UNC80: variants seen among roughly 807,000 people sequenced by gnomAD.
UNC80 encodes the protein unc-80 subunit of NALCN channel complex.
Under a neutral mutation model 384.6 loss-of-function variants are expected in UNC80, and 164 were observed. That is an observed-to-expected ratio of 0.43 (90% CI 0.38 to 0.49). UNC80 has a LOEUF of 0.49. Among genes scored for constraint, UNC80 ranks in the 20% least tolerant of loss-of-function variants. The pLI is 0.00. For missense variants in UNC80, 3,330 were observed against 4,143.0 expected, an observed-to-expected ratio of 0.80 and a Z score of 5.39; for synonymous variants, 1,486 against 1,527.8, an observed-to-expected ratio of 0.97 and a Z score of 0.64.
intron 33 of UNC80, 30 bp from the exon 34 acceptor site, chr2:209,921,470 T>G (rs1167312948): frequency 2.0e-6 from 3 of 1,527,030 alleles, no homozygotes; most frequent in Non-Finnish European, 1.8e-6. Context: ...AGAATTGCTA[T>G]TAAATGAACT....
chr2:209,839,850 G>A lies in UNC80; in HGVS notation c.3250+420G>A, dbSNP rs2081608574. Among the ~76,000 whole-genome samples the A allele has an allele frequency of 6.6e-6, 1 of 152,208 alleles. No individual in the cohort carries two copies. The highest frequency in any genetic ancestry group is 6.5e-5 in the Admixed American group (1 of 15,282). ...GGGGGAGGAGGCAGAAATCAGGGAA[G>A]GCTTCCTAGTGGTAGTGGCATTAAG... On this transcript the variant is annotated intron_variant, in intron 19 of 64. Transcript: ENST00000673920. The surrounding 1 kb of genome is among the most constrained non-coding windows in gnomAD (Gnocchi z 4.1).
rs1181556483 is a variant in UNC80, at chr2:209,816,777, T to C, written c.1336-132T>C. ...TTTCTCCCATTTTTATTGGATGATA[T>C]TCAGTGACTTTCTGGGTCTTCTCTT... On this transcript the variant is annotated intron_variant, in intron 9 of 64. Transcript: ENST00000673920. 7.9e-6 allele frequency: 6 copies of C among 756,976 alleles called. No individual in the cohort carries two copies. The East Asian group carries it at 1.4e-4, about 17-fold the overall frequency. 46.9% of individuals were successfully genotyped at this position (756,976 alleles called of 1,614,324 possible).
intron 52 of UNC80, chr2:209,968,618 A>G (rs913961997): frequency 6.6e-6 from 1 of 152,158 alleles, no homozygotes; most frequent in African/African-American, 2.4e-5. Flanking sequence ...TTTCAATGGC[A>G]TGGAAATGCT....
chr2:209,907,564 C>T (rs1212657374), intron 29 of UNC80, among the ~76,000 whole-genome samples: 3 of 151,970 alleles, frequency 2.0e-5, no homozygotes, highest in African/African-American at 4.8e-5. Context: ...TGCCAACCAG[C>T]GAGAAGAGGT....
chr2:209,927,031 T>C (rs1157946052), intron 36 of UNC80, 45 bp downstream of exon 36: 2 of 1,545,120 alleles, frequency 1.3e-6, no homozygotes, highest in East Asian at 4.9e-5. Flanking sequence ...TCTTAAGCTG[T>C]TTATCTGATA....
chr2:209,887,944 G>C (rs929682737), intron 25 of UNC80, 151 bp from the exon 26 acceptor site: 8 of 637,914 alleles, frequency 1.3e-5, no homozygotes, highest in Non-Finnish European at 1.8e-5. Flanking sequence ...GAATAGATTT[G>C]CATGGTCACA....
chr2:209,790,335 T>G (rs2077717442), intron 6 of UNC80, among the ~76,000 whole-genome samples: 1 of 152,200 alleles, frequency 6.6e-6, no homozygotes, highest in South Asian at 2.1e-4. Context: ...TTCCAACTGT[T>G]ATTACTCAGG....
chr2:209,813,603 G>A lies in UNC80; in HGVS notation c.962G>A (p.Cys321Tyr), dbSNP rs2079520816. 1 of 1,551,566 alleles carries A rather than the reference G, an allele frequency of 6.4e-7. No individual in the cohort carries two copies. The highest frequency in any genetic ancestry group is 1.2e-5 in the South Asian group (1 of 84,052). The part of the protein sequence containing the change: ...HSRASLVIPP[C>Y]QRSRYATYFD... ...AGGGCCTCTCTTGTGATACCTCCGT[G>A]CCAAAGGTCCCGCTATGCCACCTAC... The change falls in exon 8 of 65, where the codon TGC becomes TAC. Residue 321 changes from cysteine (C) to tyrosine (Y), a missense_variant. Cys to Tyr is a radical substitution (Grantham distance 194, BLOSUM62 -2). Coordinates refer to ENST00000673920, the MANE Select transcript of UNC80 (RefSeq NM_001371986.1).
intron 43 of UNC80, 101 bp from the exon 44 acceptor site, chr2:209,941,120 G>A (rs1231775233): frequency 1.5e-6 from 2 of 1,372,424 alleles, no homozygotes; most frequent in Non-Finnish European, 1.9e-6. Flanking sequence ...TCCTGGAGCT[G>A]GAACAAACGG....
At position 209,791,582 on chromosome 2, in the gene UNC80, A is replaced by T. The variant is rs566510861; in HGVS notation, c.798+1977A>T. On this transcript the variant is annotated intron_variant, in intron 6 of 64. Coordinates refer to ENST00000673920, the MANE Select transcript of UNC80 (RefSeq NM_001371986.1). The stretch of plus-strand genomic sequence containing the variant: ...TAAGGACCAATTAAGATCTCAATTC[A>T]GGCTGAGGCGGGCAGATCACAAGGT... Among the ~76,000 whole-genome samples the T allele has an allele frequency of 2.6e-5, 4 of 152,200 alleles. No individual in the cohort carries two copies. In the South Asian group the frequency reaches 8.3e-4, roughly 32 times the overall value.
chr2:209,913,714 G>C (rs2089215735), intron 30 of UNC80, 88 bp from the exon 31 acceptor site: 2 of 1,359,132 alleles, frequency 1.5e-6, no homozygotes, highest in Middle Eastern at 1.9e-4. Context: ...GGCAAGCAGA[G>C]AGAGGGGACG....
intron 29 of UNC80, among the ~76,000 whole-genome samples, chr2:209,907,291 CAA>C (rs35210647): frequency 2.3e-4 from 16 of 68,622 alleles, no homozygotes; most frequent in Admixed American, 3.3e-4. Context: ...CAATAATGGG[CAA>C]AAAAAAAAAA....
chr2:209,775,813 C>A, intron 2 of UNC80, 76 bp from the exon 3 acceptor site: 1 of 1,482,088 alleles, frequency 6.7e-7, no homozygotes, highest in South Asian at 1.2e-5. Context: ...TTTTCACTAA[C>A]CAGAATCTTC....
intron 61 of UNC80, among the ~76,000 whole-genome samples, chr2:209,988,671 G>T (rs2093337140): frequency 6.6e-6 from 1 of 152,134 alleles, no homozygotes; most frequent in African/African-American, 2.4e-5. Flanking sequence ...GGAGAGAAGA[G>T]GTCATCTATG....
At chr2:209,951,291 TTTTTTTTCTCTCTCTCTCTC>T (rs2092169196) in intron 47 of UNC80, among the ~76,000 whole-genome samples, 1 of 132,808 alleles carries the variant, frequency 7.5e-6, no homozygotes, top group Non-Finnish European at 1.6e-5. Flanking sequence ...AACGTGTCCT[TTTTTTTTCTCTCTCTCTCTC>T]TTTTGAGATG....
At chr2:209,967,908 T>A (rs1173583002) in intron 52 of UNC80, 2 of 303,182 alleles carry the variant, frequency 6.6e-6, no homozygotes, top group Admixed American at 9.6e-5. Flanking sequence ...CATATAAAAA[T>A]TTCAATTAGT....
intron 7 of UNC80, among the ~76,000 whole-genome samples, chr2:209,811,193 AAT>A (rs1574545648): frequency 6.6e-6 from 1 of 152,154 alleles, no homozygotes; most frequent in Non-Finnish European, 1.5e-5. Flanking sequence ...AATTTGAGAA[AAT>A]ATTAAAACAG....
At chr2:209,943,773 G>C (rs2124982013) in intron 45 of UNC80, among the ~76,000 whole-genome samples, 1 of 152,294 alleles carries the variant, frequency 6.6e-6, no homozygotes, top group South Asian at 2.1e-4. Context: ...ATGGGTTAGG[G>C]GTGTATATTG....
chr2:209,898,322 A>G (rs1461394535), intron 28 of UNC80, among the ~76,000 whole-genome samples: 2 of 152,038 alleles, frequency 1.3e-5, no homozygotes, highest in Non-Finnish European at 1.5e-5. Flanking sequence ...TTGATTTGCA[A>G]CCACTTTGCT....
Sources: gnomAD v4.1 joint callset for allele counts (sites outside exome capture counted in the v4.1 genomes callset) on GRCh38, gnomAD v4.1.1 for gene constraint, Gnocchi (gnomAD v3.1) non-coding constraint, MANE v1.5 for transcripts, NCBI Gene and HGNC (gene_info 2026-07-23, HGNC 2026-07-21) for gene names.